The following CCDC192 variants were observed in gnomAD, a reference collection of about 807,000 sequenced individuals.
The protein encoded by CCDC192 is coiled-coil domain-containing protein 192.
intron 2 of CCDC192, among the ~76,000 whole-genome samples, chr5:127,733,929 A>AT (rs200324518): frequency 0.02 from 2,942 of 145,864 alleles, 55 homozygotes; most frequent in African/African-American, 0.043. Context: ...ATATATATAT[A>AT]TATTTTTTTA....
At chr5:127,852,177 C>T (rs144415404) in intron 5 of CCDC192, among the ~76,000 whole-genome samples, 55 of 152,302 alleles carry the variant, frequency 3.6e-4, no homozygotes, top group African/African-American at 1.3e-3. Context: ...ACTTCCCCTT[C>T]AATTATTCTC....
At chr5:127,868,273 G>T (rs1187538914) in intron 5 of CCDC192, among the ~76,000 whole-genome samples, 2 of 152,100 alleles carry the variant, frequency 1.3e-5, no homozygotes, top group African/African-American at 2.4e-5. Context: ...AGTTCTTATG[G>T]CCAAGGAGCA....
chr5:127,855,253 C>G (rs1034159977), intron 5 of CCDC192, among the ~76,000 whole-genome samples: 4 of 152,224 alleles, frequency 2.6e-5, no homozygotes, highest in African/African-American at 9.6e-5. Flanking sequence ...ACTGCTATAT[C>G]ATCTAAGTTT....
At chr5:127,761,119 G>T (rs1473295838) in intron 3 of CCDC192, among the ~76,000 whole-genome samples, 13 of 152,168 alleles carry the variant, frequency 8.5e-5, no homozygotes, top group Admixed American at 8.5e-4. Context: ...CTAATTTGGG[G>T]CATTTGTGGC....
chr5:127,856,919 G>A (rs978829349), intron 5 of CCDC192, among the ~76,000 whole-genome samples: 1 of 152,118 alleles, frequency 6.6e-6, no homozygotes, highest in Non-Finnish European at 1.5e-5. Context: ...TAGTAATGAT[G>A]AAAAGTCTGA....
chr5:127,866,645 T>C (rs183997697), intron 5 of CCDC192, among the ~76,000 whole-genome samples: 420 of 152,006 alleles, frequency 2.8e-3, no homozygotes, highest in African/African-American at 9.6e-3. Context: ...AGTATTAATA[T>C]CAGTAACATT....
At chr5:127,856,320 A>T (rs1751094723) in intron 5 of CCDC192, among the ~76,000 whole-genome samples, 3 of 151,968 alleles carry the variant, frequency 2.0e-5, no homozygotes, top group Non-Finnish European at 4.4e-5. Flanking sequence ...CAGCTTTCTT[A>T]CTCTCTCAGC....
At chr5:127,759,099 T>C (rs546840877) in intron 3 of CCDC192, among the ~76,000 whole-genome samples, 6 of 152,172 alleles carry the variant, frequency 3.9e-5, no homozygotes, top group Non-Finnish European at 8.8e-5. Context: ...CCTGCTCCAC[T>C]ATCTGCTAGC....
intron 6 of CCDC192, among the ~76,000 whole-genome samples, chr5:127,905,134 G>A (rs1753161185): frequency 6.6e-6 from 1 of 152,062 alleles, no homozygotes; most frequent in Non-Finnish European, 1.5e-5. Flanking sequence ...AAATTTTTAT[G>A]TCTTAAGCCA....
chr5:127,829,212 A>G (rs1457551489), intron 5 of CCDC192, among the ~76,000 whole-genome samples: 1 of 152,192 alleles, frequency 6.6e-6, no homozygotes, highest in Non-Finnish European at 1.5e-5. Context: ...TTTTGAACAC[A>G]CTGCCTTTTG....
intron 1 of CCDC192, among the ~76,000 whole-genome samples, chr5:127,705,218 C>T (rs531761236): frequency 6.6e-6 from 1 of 152,284 alleles, no homozygotes; most frequent in East Asian, 1.9e-4. Flanking sequence ...CATGACTTCT[C>T]CTGTGTATGC....
chr5:127,844,232 T>C (rs1750426581), intron 5 of CCDC192, among the ~76,000 whole-genome samples: 1 of 152,250 alleles, frequency 6.6e-6, no homozygotes, highest in Admixed American at 6.5e-5. Context: ...AGGCAATGAA[T>C]ACATTTCTCA....
At chr5:127,884,342 CAAAAAAAA>C (rs778430655) in intron 6 of CCDC192, among the ~76,000 whole-genome samples, 60 of 11,844 alleles carry the variant, frequency 5.1e-3, no homozygotes, top group South Asian at 6.2e-3. Flanking sequence ...GACTCCGTCT[CAAAAAAAA>C]AAAAAAAAAA....
chr5:127,730,908 A>G (rs570869961), intron 2 of CCDC192, among the ~76,000 whole-genome samples: 2 of 152,302 alleles, frequency 1.3e-5, no homozygotes, highest in East Asian at 3.9e-4. Flanking sequence ...CACAGCCAAT[A>G]TCATACTGAA....
intron 3 of CCDC192, among the ~76,000 whole-genome samples, chr5:127,770,710 A>AGAGC (rs1434218710): frequency 6.6e-6 from 1 of 152,248 alleles, no homozygotes; most frequent in African/African-American, 2.4e-5. Flanking sequence ...ATCTGAATGT[A>AGAGC]GAGCTAAAGG....
intron 6 of CCDC192, among the ~76,000 whole-genome samples, chr5:127,890,466 A>C (rs1316303800): frequency 6.6e-6 from 1 of 151,954 alleles, no homozygotes; most frequent in Non-Finnish European, 1.5e-5. Context: ...AAAAAAAAAA[A>C]AAAAGGCTTA....
At chr5:127,847,197 C>T (rs1415785092) in intron 5 of CCDC192, among the ~76,000 whole-genome samples, 1 of 152,136 alleles carries the variant, frequency 6.6e-6, no homozygotes. Context: ...CAAGGTGGAC[C>T]CATACTTTCA....
intron 5 of CCDC192, among the ~76,000 whole-genome samples, chr5:127,861,640 C>G (rs144989114): frequency 6.6e-6 from 1 of 151,990 alleles, no homozygotes; most frequent in Non-Finnish European, 1.5e-5. Flanking sequence ...GGCGACAAAG[C>G]GAGACTCCTT....
At chr5:127,849,348 A>G (rs1360242521) in intron 5 of CCDC192, among the ~76,000 whole-genome samples, 1 of 152,122 alleles carries the variant, frequency 6.6e-6, no homozygotes, top group Non-Finnish European at 1.5e-5. Flanking sequence ...CTCTCAGCTT[A>G]GCAGCCCACA....
Sources: gnomAD v4.1 joint callset for allele counts (sites outside exome capture counted in the v4.1 genomes callset) on GRCh38, gnomAD v4.1.1 for gene constraint, MANE v1.5 for transcripts, NCBI Gene and HGNC (gene_info 2026-07-23, HGNC 2026-07-21) for gene names.